PPHLN1: variants seen among roughly 807,000 people sequenced by gnomAD.
The protein encoded by PPHLN1 is periphilin 1.
In PPHLN1, 29 loss-of-function variants were observed where a neutral mutation model predicts 51.3. The ratio of observed to expected loss-of-function variants is 0.57; its 90% confidence interval spans 0.42 to 0.77. The LOEUF (loss-of-function observed/expected upper bound fraction) is 0.77. PPHLN1 is among the 30% of genes least tolerant of loss of function. The pLI is 0.00. For missense variants in PPHLN1, 436 were observed against 438.4 expected (o/e 0.99, Z 0.05); for synonymous variants, 147 against 147.8 (o/e 0.99, Z 0.04).
chr12:42,410,178 A>AT (rs1592809082), intron 9 of PPHLN1, among the ~76,000 whole-genome samples: 1 of 136,764 alleles, frequency 7.3e-6, no homozygotes. Flanking sequence ...TTTTCATTCC[A>AT]TGTTTTTTTT....
chr12:42,349,344 C>G (rs1375907995), intron 2 of PPHLN1, among the ~76,000 whole-genome samples: 2 of 152,068 alleles, frequency 1.3e-5, no homozygotes, highest in African/African-American at 4.8e-5. Flanking sequence ...TTTACAGGCT[C>G]AGGGATGATA....
chr12:42,446,642 G>A, downstream of PPHLN1: 1 of 1,612,622 alleles, frequency 6.2e-7, no homozygotes, highest in Non-Finnish European at 8.5e-7. Context: ...CAAAACTGTT[G>A]CTGCACACAT....
At chr12:42,361,866 C>T (rs56347355) in intron 4 of PPHLN1, among the ~76,000 whole-genome samples, 24,754 of 151,526 alleles carry the variant, frequency 0.16, 2,069 homozygotes, top group Admixed American at 0.2. Flanking sequence ...CTTTTGAGTC[C>T]GTGTTTTCAG....
chr12:42,399,173 C>T, intron 9 of PPHLN1, 179 bp downstream of exon 9: 1 of 1,294,600 alleles, frequency 7.7e-7, no homozygotes. Flanking sequence ...GTATGGTCCC[C>T]CACCTGGATT....
chr12:42,396,915 C>A (rs1023091389), intron 8 of PPHLN1, among the ~76,000 whole-genome samples: 1 of 151,104 alleles, frequency 6.6e-6, no homozygotes, highest in Non-Finnish European at 1.5e-5. Flanking sequence ...TGGCATGTGC[C>A]TGTAGTTCTA....
intron 2 of PPHLN1, among the ~76,000 whole-genome samples, chr12:42,347,672 C>G (rs367702164): frequency 6.6e-6 from 1 of 152,040 alleles, no homozygotes; most frequent in African/African-American, 2.4e-5. Context: ...CCCAACTACT[C>G]GGGAGGCTGA....
At chr12:42,409,360 A>G (rs796491075) in intron 9 of PPHLN1, among the ~76,000 whole-genome samples, 6 of 152,300 alleles carry the variant, frequency 3.9e-5, no homozygotes, top group African/African-American at 9.6e-5. Context: ...GTTGGTGATA[A>G]TATGCTGTTA....
At chr12:42,405,641 A>G (rs954312889) in intron 9 of PPHLN1, among the ~76,000 whole-genome samples, 1 of 151,416 alleles carries the variant, frequency 6.6e-6, no homozygotes, top group Non-Finnish European at 1.5e-5. Context: ...ACAATGCAAT[A>G]TATGTTATTT....
chr12:42,375,318 T>G (rs2076168407), intron 5 of PPHLN1: 2 of 293,996 alleles, frequency 6.8e-6, no homozygotes, highest in East Asian at 6.5e-5. Context: ...GTAAAAGGTT[T>G]TTTTTTTTTT....
intron 9 of PPHLN1, among the ~76,000 whole-genome samples, chr12:42,418,990 C>A (rs1278618644): frequency 6.6e-6 from 1 of 151,940 alleles, no homozygotes; most frequent in Non-Finnish European, 1.5e-5. Flanking sequence ...ATAATTCCCG[C>A]ATTACAAATA....
At chr12:42,381,788 C>T (rs978416892) in intron 5 of PPHLN1, among the ~76,000 whole-genome samples, 12 of 152,108 alleles carry the variant, frequency 7.9e-5, no homozygotes, top group African/African-American at 2.9e-4. Context: ...TCTGTGTAGC[C>T]ACATTTTCAT....
intron 1 of PPHLN1, among the ~76,000 whole-genome samples, chr12:42,334,904 A>G (rs1433597311): frequency 6.6e-6 from 1 of 152,190 alleles, no homozygotes; most frequent in Non-Finnish European, 1.5e-5. Flanking sequence ...TTATACATTT[A>G]TGTGTATTGT....
intron 2 of PPHLN1, chr12:42,344,010 T>C: frequency 3.1e-6 from 1 of 317,648 alleles, no homozygotes; most frequent in Non-Finnish European, 6.0e-6. Flanking sequence ...CCTACCAGCC[T>C]GTGTAATAGA....
chr12:42,429,899 C>T (rs561348133), intron 9 of PPHLN1, among the ~76,000 whole-genome samples: 1 of 152,258 alleles, frequency 6.6e-6, no homozygotes, highest in African/African-American at 2.4e-5. Flanking sequence ...TAAGCTTTTG[C>T]TCTATTTGTT....
downstream of PPHLN1, among the ~76,000 whole-genome samples, chr12:42,442,368 T>G (rs1244674381): frequency 6.6e-6 from 1 of 152,180 alleles, no homozygotes; most frequent in East Asian, 1.9e-4. Flanking sequence ...TAAAGAAATT[T>G]ATCTAGATAA....
At position 42,431,823 on chromosome 12, in the gene PPHLN1, A is replaced by G. The variant is rs1026762235; in HGVS notation, c.910-9492A>G. The stretch of plus-strand genomic sequence containing the variant: ...CTTTTCTGAAGGACCATGCTCTTCA[A>G]TCACATATTTTGCCTAGCCCATTTT... On this transcript the variant is annotated intron_variant, in intron 9 of 9. Coordinates refer to ENST00000358314, the MANE Select transcript of PPHLN1 (RefSeq NM_201439.2). 355 of 1,344,460 alleles carry G rather than the reference A, an allele frequency of 2.6e-4. 2 individuals are homozygous for G. Among genetic ancestry groups the G allele is most frequent in the Middle Eastern group, 1.1e-3 (6 of 5,546 alleles). 83.3% of individuals were successfully genotyped at this position (1,344,460 alleles called of 1,614,324 possible).
At chr12:42,363,639 C>T (rs1396316351) in intron 4 of PPHLN1, among the ~76,000 whole-genome samples, 1 of 151,818 alleles carries the variant, frequency 6.6e-6, no homozygotes, top group African/African-American at 2.4e-5. Flanking sequence ...CCCTGATGCC[C>T]ACTCCCCACT....
chr12:42,351,269 A>C (rs911142338), intron 2 of PPHLN1: 1 of 152,150 alleles, frequency 6.6e-6, no homozygotes, highest in Non-Finnish European at 1.5e-5. Flanking sequence ...CAATTCCCCA[A>C]GTCTCACAAA....
Position 42,384,951 on chromosome 12 carries a change from C to T in PPHLN1, c.523C>T (p.Pro175Ser). 6.2e-7 allele frequency: 1 copy of T among 1,611,050 alleles called. No homozygotes were observed. The highest frequency in any genetic ancestry group is 8.5e-7 in the Non-Finnish European group (1 of 1,177,168). Residue 175 changes from proline (P) to serine (S), a missense_variant, in exon 6 of 10, where the codon CCT becomes TCT. Transcript: ENST00000358314. ...CCACCTTTCCATAGAGTCCGTGCGT[C>T]CTGGTGCCTCCTACAAACGGCAGAA... is the stretch of plus-strand genomic sequence containing the variant. Reference protein sequence around the residue: ...HQSQHRKSVRPGASYKRQNEG... With the variant: ...HQSQHRKSVRSGASYKRQNEG...
Sources: allele counts gnomAD v4.1 joint callset (sites outside exome capture counted in the v4.1 genomes callset), GRCh38; gene constraint gnomAD v4.1.1; transcripts MANE v1.5; gene names NCBI Gene and HGNC (gene_info 2026-07-23, HGNC 2026-07-21).